Variants in PTPRD observed in about 807,000 individuals in gnomAD.
PTPRD encodes the protein receptor-type tyrosine-protein phosphatase delta.
PTPRD carries 34 observed loss-of-function variants against 214.5 expected under a neutral mutation model. The observed-to-expected ratio is 0.16, with a 90% CI of 0.12 to 0.21. The LOEUF (loss-of-function observed/expected upper bound fraction) is 0.21, where lower values mean the gene tolerates loss of function less well. Among genes scored for constraint, PTPRD ranks in the 10% least tolerant of loss-of-function variants. The pLI is 1.00. For missense variants in PTPRD, 2,545 were observed against 2,398.7 expected (o/e 1.06, Z -1.27); for synonymous variants, 1,128 against 845.7 (o/e 1.33, Z -5.79).
At chr9:9,968,685 G>T (rs538920753) in intron 4 of PTPRD, among the ~76,000 whole-genome samples, 3 of 151,952 alleles carry the variant, frequency 2.0e-5, no homozygotes, top group African/African-American at 7.3e-5. Flanking sequence ...TTCCCAAAAA[G>T]AAAAATTCCT....
chr9:9,408,778 A>G (rs2074408322), intron 8 of PTPRD, among the ~76,000 whole-genome samples: 1 of 151,922 alleles, frequency 6.6e-6, no homozygotes, highest in South Asian at 2.1e-4. Flanking sequence ...ATTAAATAAA[A>G]TAATGAACAT....
rs540720199 is a variant in PTPRD, at chr9:9,715,465, C to A, written c.-287+19068G>T. Among the ~76,000 whole-genome samples, 3 of 150,430 alleles carry A rather than the reference C, an allele frequency of 2.0e-5. No homozygotes were observed. The East Asian group carries it at 5.8e-4, about 29-fold the overall frequency. The stretch of plus-strand genomic sequence containing the variant: ...GCCGTATTAGTGCCTTGGTGGGAGC[C>A]AAGAAATAAAAAAATAAAAAATATA... On this transcript the variant is annotated intron_variant, in intron 7 of 45. Transcript: ENST00000381196.
intron 2 of PTPRD, among the ~76,000 whole-genome samples, chr9:10,400,025 G>A (rs1181529874): frequency 6.6e-6 from 1 of 151,750 alleles, no homozygotes; most frequent in Non-Finnish European, 1.5e-5. Context: ...TCTCTCAAAA[G>A]TTACATTTTA....
intron 9 of PTPRD, among the ~76,000 whole-genome samples, chr9:9,268,705 A>G (rs927158824): frequency 2.0e-5 from 3 of 150,888 alleles, no homozygotes; most frequent in Non-Finnish European, 4.4e-5. Context: ...GAATAAACCC[A>G]TGTTTACCAT....
chr9:8,486,151 G>T lies in PTPRD; in HGVS notation c.2666C>A (p.Ala889Glu), dbSNP rs2135955652. 1 of 1,614,148 alleles carries T rather than the reference G, an allele frequency of 6.2e-7. No individual in the cohort carries two copies. The change falls in exon 28 of 46, where the codon GCA becomes GAA. Residue 889 changes from alanine (A) to glutamate (E), a missense_variant. Physicochemically the swap from Ala to Glu is moderately radical, Grantham distance 107 (BLOSUM62 -1). Coordinates refer to ENST00000381196, the MANE Select transcript of PTPRD (RefSeq NM_002839.4). ...HFTATDIHKG[A>E]SYVFRLSARN... ...GGCTGAGAGCCTGAAGACGTATGAT[G>T]CTCCCTTGTGGATGTCTGTAGCTGT...
At chr9:8,991,774 C>T (rs1440431905) in intron 11 of PTPRD, among the ~76,000 whole-genome samples, 1 of 152,086 alleles carries the variant, frequency 6.6e-6, no homozygotes, top group African/African-American at 2.4e-5. Flanking sequence ...GCTAATTATA[C>T]ATTTGCTAGT....
intron 11 of PTPRD, among the ~76,000 whole-genome samples, chr9:8,830,389 A>T (rs114266205): frequency 0.019 from 2,906 of 152,298 alleles, 85 homozygotes; most frequent in African/African-American, 0.067. Context: ...AATTTTATAG[A>T]AATTGTAAGA....
intron 3 of PTPRD, among the ~76,000 whole-genome samples, chr9:10,114,333 T>G (rs1013864070): frequency 7.2e-5 from 11 of 152,146 alleles, no homozygotes; most frequent in African/African-American, 2.7e-4. Flanking sequence ...AAGAACCACT[T>G]TCGGCCAAAG....
At chr9:9,890,877 A>G (rs983856154) in intron 5 of PTPRD, among the ~76,000 whole-genome samples, 6 of 152,136 alleles carry the variant, frequency 3.9e-5, no homozygotes, top group Non-Finnish European at 7.4e-5. Flanking sequence ...CTCTTATCCT[A>G]TTTAATTCCA....
intron 7 of PTPRD, among the ~76,000 whole-genome samples, chr9:9,587,626 C>T (rs1791925312): frequency 6.6e-6 from 1 of 151,984 alleles, no homozygotes; most frequent in African/African-American, 2.4e-5. Flanking sequence ...GGGGGTCTCA[C>T]TAATTCCCTC....
chr9:9,471,418 A>G (rs1200170170), intron 8 of PTPRD, among the ~76,000 whole-genome samples: 1 of 152,188 alleles, frequency 6.6e-6, no homozygotes, highest in Non-Finnish European at 1.5e-5. Context: ...AATAAGAATC[A>G]CAATCCTTCA....
At chr9:8,417,891 A>G (rs2094060179) in intron 35 of PTPRD, among the ~76,000 whole-genome samples, 1 of 152,130 alleles carries the variant, frequency 6.6e-6, no homozygotes. Flanking sequence ...AATTTCAAAA[A>G]CTAGCTTTAG....
chr9:8,689,858 A>C (rs887650279), intron 12 of PTPRD, among the ~76,000 whole-genome samples: 1 of 152,204 alleles, frequency 6.6e-6, no homozygotes, highest in African/African-American at 2.4e-5. Context: ...CTGTAATCCC[A>C]GCACTTTGGA....
intron 5 of PTPRD, among the ~76,000 whole-genome samples, chr9:9,937,623 A>C (rs944145252): frequency 2.6e-5 from 4 of 152,178 alleles, no homozygotes; most frequent in Admixed American, 2.6e-4. Flanking sequence ...GAGGTATTTC[A>C]TAAATAGACC....
intron 10 of PTPRD, among the ~76,000 whole-genome samples, chr9:9,136,450 A>G (rs1465045969): frequency 4.6e-5 from 7 of 152,144 alleles, no homozygotes; most frequent in Admixed American, 6.5e-5. Context: ...ACTCATTTTC[A>G]TAAATGTAGA....
chr9:8,806,260 G>C (rs575221057), intron 11 of PTPRD, among the ~76,000 whole-genome samples: 2 of 148,522 alleles, frequency 1.3e-5, no homozygotes, highest in South Asian at 4.4e-4. Context: ...GGCGGGGGGG[G>C]GATTTTTAAG....
intron 9 of PTPRD, among the ~76,000 whole-genome samples, chr9:9,291,096 A>T (rs1951001604): frequency 6.6e-6 from 1 of 151,476 alleles, no homozygotes; most frequent in African/African-American, 2.4e-5. Context: ...TAAGAAACTT[A>T]ACAGGTAACA....
chr9:9,937,098 A>T (rs534740498), intron 5 of PTPRD, among the ~76,000 whole-genome samples: 2 of 152,128 alleles, frequency 1.3e-5, no homozygotes, highest in Non-Finnish European at 2.9e-5. Context: ...AGGGGGAGGG[A>T]TAGCACTGGG....
At chr9:9,869,867 A>T (rs888211065) in intron 5 of PTPRD, among the ~76,000 whole-genome samples, 5 of 152,098 alleles carry the variant, frequency 3.3e-5, no homozygotes, top group African/African-American at 9.7e-5. Context: ...GTAAAAATAC[A>T]GCAGAGATTG....
Sources: gnomAD v4.1 joint callset for allele counts (sites outside exome capture counted in the v4.1 genomes callset) on GRCh38, gnomAD v4.1.1 for gene constraint, MANE v1.5 for transcripts, NCBI Gene and HGNC (gene_info 2026-07-23, HGNC 2026-07-21) for gene names.